MYT1L: variants seen among roughly 807,000 people sequenced by gnomAD.
The protein encoded by MYT1L is myelin transcription factor 1-like protein.
Under a neutral mutation model 126.7 loss-of-function variants are expected in MYT1L, and 12 were observed. The observed-to-expected ratio is 0.09, with a 90% CI of 0.06 to 0.15. The LOEUF (loss-of-function observed/expected upper bound fraction) is 0.15. MYT1L is among the 10% of genes least tolerant of loss of function. The probability of loss-of-function intolerance (pLI) is 1.00; values close to 1 mark genes in which losing one functional copy is unlikely to be tolerated. For missense variants in MYT1L, 979 were observed against 1,585.2 expected (o/e 0.62, Z 6.49); for synonymous variants, 541 against 604.2 (o/e 0.90, Z 1.53).
intron 21 of MYT1L, among the ~76,000 whole-genome samples, chr2:1,826,746 A>T (rs1267113050): frequency 1.3e-5 from 2 of 151,652 alleles, no homozygotes; most frequent in Non-Finnish European, 2.9e-5. Context: ...CAGAGCAGGG[A>T]GCTGACTCCA....
chr2:1,987,765 C>G (rs2061157990), intron 5 of MYT1L, among the ~76,000 whole-genome samples: 1 of 152,150 alleles, frequency 6.6e-6, no homozygotes, highest in Admixed American at 6.5e-5. Context: ...CTGGAGAAGC[C>G]AGACCTCAGT....
chr2:1,915,593 C>G (rs1217527526), intron 11 of MYT1L, among the ~76,000 whole-genome samples: 1 of 152,206 alleles, frequency 6.6e-6, no homozygotes, highest in African/African-American at 2.4e-5. Context: ...GAGCTTGGTC[C>G]TCCTGCCTCA....
chr2:2,273,780 C>A (rs1265280590), intron 2 of MYT1L, among the ~76,000 whole-genome samples: 1 of 152,178 alleles, frequency 6.6e-6, no homozygotes, highest in Admixed American at 6.5e-5. Flanking sequence ...AGGAAAAACA[C>A]CAGAAAAGTC....
rs1205915145 is a variant in MYT1L, at chr2:1,811,117, G to A, written c.3081-1950C>T. 6.6e-6 allele frequency: 1 copy of A among 152,186 alleles called. No individual in the cohort carries two copies. Among genetic ancestry groups the A allele is most frequent in the African/African-American group, 2.4e-5 (1 of 41,440 alleles). 9.4% of individuals were successfully genotyped at this position (152,186 alleles called of 1,614,324 possible). ...ACCAACCAGAGAGCAGCAGTTGCCA[G>A]ATGCCGAATCTGCTGGTGCCTCGGT... On this transcript the variant is annotated intron_variant, in intron 21 of 24. Coordinates refer to ENST00000647738, the MANE Select transcript of MYT1L (RefSeq NM_001303052.2). The surrounding 1 kb of genome is among the most constrained non-coding windows in gnomAD (Gnocchi z 4.4).
intron 2 of MYT1L, among the ~76,000 whole-genome samples, chr2:2,253,854 C>T (rs1048933704): frequency 6.6e-6 from 1 of 152,102 alleles, no homozygotes; most frequent in Admixed American, 6.6e-5. Flanking sequence ...TCATTCCAGC[C>T]ACTGCCACTC....
At chr2:2,151,863 TG>T (rs1451969134) in intron 3 of MYT1L, among the ~76,000 whole-genome samples, 3 of 152,138 alleles carry the variant, frequency 2.0e-5, no homozygotes, top group African/African-American at 7.2e-5. Context: ...GAGACCAGCC[TG>T]GCCAACATAA....
chr2:1,974,848 T>G (rs965293795), intron 8 of MYT1L: 2 of 152,200 alleles, frequency 1.3e-5, no homozygotes, highest in Admixed American at 6.5e-5. Context: ...ATTTTCCTTA[T>G]GTTGTTCCAA....
chr2:1,855,761 C>T (rs2043837154), intron 18 of MYT1L, among the ~76,000 whole-genome samples: 1 of 151,822 alleles, frequency 6.6e-6, no homozygotes, highest in African/African-American at 2.4e-5. Flanking sequence ...TCTTGAAACC[C>T]ACACGAGCTG....
In MYT1L at chr2:1,889,397, G is replaced by A; in HGVS notation, c.2364C>T (p.Pro788=). 1 of 1,613,932 alleles carries A rather than the reference G, an allele frequency of 6.2e-7. No homozygotes were observed. The highest frequency in any genetic ancestry group is 2.2e-5 in the East Asian group (1 of 44,872). Residue 788 remains proline (P), a synonymous_variant, in exon 16 of 25, where the codon CCC becomes CCT. Coordinates refer to ENST00000647738, the MANE Select transcript of MYT1L (RefSeq NM_001303052.2). The surrounding 1 kb of genome is among the most constrained non-coding windows in gnomAD (Gnocchi z 4.1). ...NKQRPRDSCC[P]ILTPLEPMSP... is the part of the protein sequence containing the mutation. The stretch of plus-strand genomic sequence containing the variant: ...ACATGGGCTCCAGAGGGGTCAGGAT[G>A]GGGCAGCAGCTGTCCCGCGGCCTCT...
chr2:2,227,143 C>T (rs1193829473), intron 2 of MYT1L, among the ~76,000 whole-genome samples: 1 of 152,158 alleles, frequency 6.6e-6, no homozygotes, highest in African/African-American at 2.4e-5. Flanking sequence ...TGCTTTTCCC[C>T]TTTTCCCTTT....
chr2:2,311,650 T>C (rs1356602427), intron 1 of MYT1L, among the ~76,000 whole-genome samples: 1 of 152,064 alleles, frequency 6.6e-6, no homozygotes, highest in African/African-American at 2.4e-5. Context: ...CCTCCCCCCA[T>C]CTCTCTTCTC....
chr2:2,040,301 C>G (rs1234408469), intron 4 of MYT1L, among the ~76,000 whole-genome samples: 1 of 152,168 alleles, frequency 6.6e-6, no homozygotes, highest in Admixed American at 6.5e-5. Flanking sequence ...CTTGTACATG[C>G]AATGTACATA....
intron 3 of MYT1L, among the ~76,000 whole-genome samples, chr2:2,142,521 G>A (rs1190491183): frequency 6.6e-6 from 1 of 152,014 alleles, no homozygotes; most frequent in Non-Finnish European, 1.5e-5. Flanking sequence ...TCAACTCCCT[G>A]GGCTGTGTTG....
chr2:2,079,726 G>A (rs2075615596), intron 3 of MYT1L, among the ~76,000 whole-genome samples: 1 of 151,988 alleles, frequency 6.6e-6, no homozygotes, highest in South Asian at 2.1e-4. Flanking sequence ...AGAATGGCGT[G>A]AACCCGGGAG....
At chr2:2,245,268 C>T (rs1319603354) in intron 2 of MYT1L, among the ~76,000 whole-genome samples, 3 of 152,058 alleles carry the variant, frequency 2.0e-5, no homozygotes, top group Admixed American at 6.5e-5. Context: ...CCAACACCTA[C>T]ATCAAAGCAT....
intron 9 of MYT1L, among the ~76,000 whole-genome samples, chr2:1,933,402 A>C (rs766409962): frequency 2.0e-5 from 3 of 152,218 alleles, no homozygotes; most frequent in Non-Finnish European, 2.9e-5. Flanking sequence ...GGCCAGAAAA[A>C]AACGCAGAGG....
intron 3 of MYT1L, among the ~76,000 whole-genome samples, chr2:2,090,806 CTTG>C (rs1575100630): frequency 6.6e-6 from 1 of 152,146 alleles, no homozygotes; most frequent in South Asian, 2.1e-4. Flanking sequence ...ATTCTAAATT[CTTG>C]TTGTTGATTC....
chr2:1,901,554 T>C (rs1351842378), intron 14 of MYT1L, among the ~76,000 whole-genome samples: 3 of 152,202 alleles, frequency 2.0e-5, no homozygotes, highest in Non-Finnish European at 2.9e-5. Flanking sequence ...CAAGAAATAC[T>C]AAATTTCATT....
intron 23 of MYT1L, 27 bp from the exon 24 acceptor site, chr2:1,792,491 G>A (rs1185491863): frequency 1.2e-6 from 2 of 1,605,244 alleles, no homozygotes; most frequent in Non-Finnish European, 1.7e-6. Flanking sequence ...TGCGTGACAT[G>A]TAACACCAGG....
Sources: allele counts gnomAD v4.1 joint callset (sites outside exome capture counted in the v4.1 genomes callset), GRCh38; gene constraint gnomAD v4.1.1; non-coding constraint Gnocchi (gnomAD v3.1); transcripts MANE v1.5; gene names NCBI Gene and HGNC (gene_info 2026-07-23, HGNC 2026-07-21).